The following SRGAP1 variants were observed in gnomAD, a reference collection of about 807,000 sequenced individuals.
The protein encoded by SRGAP1 is SLIT-ROBO Rho GTPase activating protein 1.
In SRGAP1, 43 loss-of-function variants were observed where a neutral mutation model predicts 121.9. The ratio of observed to expected loss-of-function variants is 0.35; its 90% CI spans 0.28 to 0.46. The LOEUF (loss-of-function observed/expected upper bound fraction) is 0.46, where lower values mean the gene tolerates loss of function less well. Ranked by LOEUF, SRGAP1 falls within the 20% of genes least tolerant of loss-of-function variation. The pLI, the probability that SRGAP1 is intolerant of heterozygous loss-of-function variation, is 1.00. For synonymous variants in SRGAP1, 447 were observed against 485.4 expected (o/e 0.92, Z 1.04); for missense variants, 1,102 against 1,350.9 (o/e 0.82, Z 2.89).
intron 1 of SRGAP1, among the ~76,000 whole-genome samples, chr12:63,958,684 T>G (rs1178766025): frequency 1.3e-5 from 2 of 152,236 alleles, no homozygotes; most frequent in Admixed American, 1.3e-4. Context: ...GGCAAACTCT[T>G]AAGTTGTTTA....
At chr12:64,078,478 G>A (rs1282311678) in intron 8 of SRGAP1, among the ~76,000 whole-genome samples, 1 of 152,096 alleles carries the variant, frequency 6.6e-6, no homozygotes, top group African/African-American at 2.4e-5. Flanking sequence ...AGAAGGAGAG[G>A]GTATAGGTGT....
At chr12:64,079,468 A>C (rs2035797955) in intron 9 of SRGAP1, among the ~76,000 whole-genome samples, 1 of 148,850 alleles carries the variant, frequency 6.7e-6, no homozygotes, top group Non-Finnish European at 1.5e-5. Flanking sequence ...GTCTCTACAA[A>C]ACATATATAT....
rs58289093 is a variant in SRGAP1, at chr12:64,000,239, GGTGTGT to G, written c.426+10198_426+10203del. Reference sequence around the variant, plus strand: ...AAGAACATTGGTCAAGAAAGGTAGGGGTGTGTGTGTGTGTGTGTGTGTGTGTGTGTG... The same window carrying G: ...AAGAACATTGGTCAAGAAAGGTAGGGGTGTGTGTGTGTGTGTGTGTGTGTG... On this transcript the variant is annotated intron_variant, in intron 3 of 21. Coordinates refer to ENST00000355086, the MANE Select transcript of SRGAP1 (RefSeq NM_020762.4). Among the ~76,000 whole-genome samples the G allele has an allele frequency of 7.4e-4, 98 of 131,550 alleles. 1 individual carries two copies. The East Asian group carries it at 8.7e-3, about 12-fold the overall frequency. The allele number at this position is 131,550 out of a possible 152,430, so 86.3% of individuals were successfully genotyped here. A position where few individuals can be genotyped will look rare whatever the true frequency, so the allele number is the denominator to read the frequency against.
intron 1 of SRGAP1, among the ~76,000 whole-genome samples, chr12:63,880,046 G>T (rs1360650488): frequency 6.6e-6 from 1 of 152,102 alleles, no homozygotes; most frequent in Non-Finnish European, 1.5e-5. Flanking sequence ...AATCATGGGG[G>T]CAGGTTTTTC....
intron 4 of SRGAP1, among the ~76,000 whole-genome samples, chr12:64,027,890 C>T (rs1323319824): frequency 6.6e-6 from 1 of 152,138 alleles, no homozygotes; most frequent in African/African-American, 2.4e-5. Context: ...TTAGTTGATG[C>T]TGCAATTCTA....
intron 1 of SRGAP1, among the ~76,000 whole-genome samples, chr12:63,870,881 C>T (rs1210152320): frequency 6.6e-6 from 1 of 152,162 alleles, no homozygotes; most frequent in Non-Finnish European, 1.5e-5. Flanking sequence ...TGCTCCCCGC[C>T]TTCCTAGCTT....
At chr12:63,912,618 G>C (rs1053290071) in intron 1 of SRGAP1, among the ~76,000 whole-genome samples, 2 of 135,182 alleles carry the variant, frequency 1.5e-5, no homozygotes, top group Non-Finnish European at 3.3e-5. Flanking sequence ...CATTTTAAAA[G>C]AAAGAAAAAA....
rs776025078 is a variant in SRGAP1, at chr12:64,032,835, A to G, written c.490-9955A>G. On this transcript the variant is annotated intron_variant, in intron 4 of 21. Transcript: ENST00000355086. ...GTATCAGTGCTTTTACTTTTTAGCAATGTACATATTTTCATATAATATTAA... is the reference window on the plus strand; with the variant it reads ...GTATCAGTGCTTTTACTTTTTAGCAGTGTACATATTTTCATATAATATTAA... Among the ~76,000 whole-genome samples the G allele has an allele frequency of 3.9e-5, 6 of 152,164 alleles. No homozygotes were observed. In the South Asian group the frequency reaches 1.0e-3, roughly 26 times the overall value.
At position 64,150,934 on chromosome 12, in the gene SRGAP1, C is replaced by CAAAAAAAAAAAAAAAAAAAAAAAAA; in HGVS notation, c.*8264_*8288dup. 1 of 24,718 alleles carries CAAAAAAAAAAAAAAAAAAAAAAAAA rather than the reference C, an allele frequency of 4.0e-5. No individual in the cohort carries two copies. The highest frequency in any genetic ancestry group is 1.0e-4 in the Non-Finnish European group (1 of 9,648). The allele number at this position is 24,718 out of a possible 1,614,324, so 1.5% of individuals were successfully genotyped here. A position where few individuals can be genotyped will look rare whatever the true frequency, so the allele number is the denominator to read the frequency against. ...TGGGTGGAAGAGTGAGAAGCTATCT[C>CAAAAAAAAAAAAAAAAAAAAAAAAA]AAAAAAAAAAAAAAAAAAAAAAAAA... On this transcript the variant is annotated 3_prime_UTR_variant, in exon 22 of 22. Coordinates refer to ENST00000355086, the MANE Select transcript of SRGAP1 (RefSeq NM_020762.4).
At chr12:64,123,244 A>T (rs569483016) in intron 18 of SRGAP1, among the ~76,000 whole-genome samples, 1 of 152,186 alleles carries the variant, frequency 6.6e-6, no homozygotes. Context: ...CTACTTAGGA[A>T]GTTAAGGTGG....
chr12:64,045,728 G>A (rs900705593), intron 6 of SRGAP1, among the ~76,000 whole-genome samples: 6 of 151,938 alleles, frequency 3.9e-5, no homozygotes, highest in East Asian at 1.9e-4. Flanking sequence ...ACGTGCCACC[G>A]TGCCCAGCCC....
chr12:64,156,023 C>G lies in SRGAP1; in HGVS notation c.*13351C>G, dbSNP rs1455346547. 1 of 152,088 alleles carries G rather than the reference C, an allele frequency of 6.6e-6. No homozygotes were observed. The highest frequency in any genetic ancestry group is 2.1e-4 in the South Asian group (1 of 4,832). The allele number at this position is 152,088 out of a possible 1,614,324, so 9.4% of individuals were successfully genotyped here. A position where few individuals can be genotyped will look rare whatever the true frequency, so the allele number is the denominator to read the frequency against. On this transcript the variant is annotated 3_prime_UTR_variant, in exon 22 of 22. Coordinates refer to ENST00000355086, the MANE Select transcript of SRGAP1 (RefSeq NM_020762.4). Reference sequence around the variant, plus strand: ...CTGTAAGACCGGAATCATTATTATCCCCATTTTTCAGATTAAAACAAACAA... The same window carrying G: ...CTGTAAGACCGGAATCATTATTATCGCCATTTTTCAGATTAAAACAAACAA...
Position 64,055,962 on chromosome 12 carries a change from C to A in SRGAP1, c.802-6955C>A, listed in dbSNP as rs370813479. On this transcript the variant is annotated intron_variant, in intron 6 of 21. Transcript: ENST00000355086. Reference sequence around the variant, plus strand: ...TGTACATCAACTCACTACTGAGCATCCCTAACCAGATGTCTAACAGGCATC... The same window carrying A: ...TGTACATCAACTCACTACTGAGCATACCTAACCAGATGTCTAACAGGCATC... 1.2e-4 allele frequency among the ~76,000 whole-genome samples: 19 copies of A among 152,260 alleles called. No individual in the cohort carries two copies. In the South Asian group the frequency reaches 3.7e-3, roughly 30 times the overall value.
intron 1 of SRGAP1, among the ~76,000 whole-genome samples, chr12:63,966,240 A>G (rs545462349): frequency 6.6e-6 from 1 of 152,308 alleles, no homozygotes; most frequent in African/African-American, 2.4e-5. Flanking sequence ...TAGATATAAT[A>G]ATAATAATAC....
At chr12:64,066,013 A>G (rs2035533599) in intron 8 of SRGAP1, among the ~76,000 whole-genome samples, 1 of 142,802 alleles carries the variant, frequency 7.0e-6, no homozygotes, top group Non-Finnish European at 1.6e-5. Flanking sequence ...TTCTCCTAAA[A>G]TAAAGATACA....
In SRGAP1 at chr12:64,080,265, A is replaced by G. The variant is rs748619632; in HGVS notation, c.1324-21A>G. The G allele has an allele frequency of 7.6e-6, 12 of 1,583,932 alleles. No homozygotes were observed. In the African/African-American group the frequency reaches 1.2e-4, roughly 16 times the overall value. ...TCTCAAAAAAAAAAAAAGATTTAAA[A>G]ATTATTCTTGCCTTTTGCAGAAACT... On this transcript the variant is annotated intron_variant, in intron 9 of 21. Coordinates refer to ENST00000355086, the MANE Select transcript of SRGAP1 (RefSeq NM_020762.4).
At chr12:63,996,114 AATAG>A (rs1449869597) in intron 3 of SRGAP1, among the ~76,000 whole-genome samples, 1 of 151,988 alleles carries the variant, frequency 6.6e-6, no homozygotes, top group Non-Finnish European at 1.5e-5. Flanking sequence ...TGAATATAAA[AATAG>A]ATATAGATTG....
At chr12:63,949,077 T>G (rs1265022613) in intron 1 of SRGAP1, among the ~76,000 whole-genome samples, 3 of 140,988 alleles carry the variant, frequency 2.1e-5, no homozygotes, top group Admixed American at 7.3e-5. Flanking sequence ...ATTTTCCATA[T>G]ATGTATTTTC....
chr12:64,052,262 A>G (rs1464186408), intron 6 of SRGAP1, among the ~76,000 whole-genome samples: 1 of 151,830 alleles, frequency 6.6e-6, no homozygotes, highest in African/African-American at 2.4e-5. Flanking sequence ...GTAACATTAA[A>G]AGGAACATAA....
Sources: allele counts gnomAD v4.1 joint callset (sites outside exome capture counted in the v4.1 genomes callset), GRCh38; gene constraint gnomAD v4.1.1; transcripts MANE v1.5; gene names NCBI Gene and HGNC (gene_info 2026-07-23, HGNC 2026-07-21).